UNC79: variants seen among roughly 807,000 people sequenced by gnomAD.
The protein encoded by UNC79 is protein unc-79 homolog.
UNC79 carries 37 observed loss-of-function variants against 283.1 expected under a neutral mutation model. The ratio of observed to expected loss-of-function variants is 0.13; its 90% CI spans 0.10 to 0.17. UNC79 has a LOEUF of 0.17. Ranked by LOEUF, UNC79 falls within the 10% of genes least tolerant of loss-of-function variation. The probability of loss-of-function intolerance (pLI) is 1.00; values close to 1 mark genes in which losing one functional copy is unlikely to be tolerated. For missense variants in UNC79, 2,272 were observed against 3,211.1 expected, an observed-to-expected ratio of 0.71 and a Z score of 7.07; for synonymous variants, 1,107 against 1,200.2, an observed-to-expected ratio of 0.92 and a Z score of 1.61.
rs536624295 is a variant in UNC79, at chr14:93,501,197, C to A, written c.898+3911C>A. On this transcript the variant is annotated intron_variant, in intron 7 of 48. Coordinates refer to ENST00000555664, the Ensembl canonical transcript of UNC79. ...AAAATTAACCAGGCATGGTGGTGCA[C>A]GCCTGTGATCCCAGCTACTGGGGGG... Among the ~76,000 whole-genome samples, 159 of 152,148 alleles carry A rather than the reference C, an allele frequency of 1.0e-3. 1 individual carries two copies. The highest frequency in any genetic ancestry group is 3.6e-3 in the African/African-American group (150 of 41,516).
chr14:93,475,085 C>T (rs543033950), intron 3 of UNC79, among the ~76,000 whole-genome samples: 62 of 152,218 alleles, frequency 4.1e-4, no homozygotes, highest in Non-Finnish European at 7.9e-4. Flanking sequence ...TTAACTCTTC[C>T]CCCTTTCTAC....
chr14:93,431,073 A>G, intron 1 of UNC79, 22 bp downstream of exon 1: 1 of 696,090 alleles, frequency 1.4e-6, no homozygotes, highest in Non-Finnish European at 2.6e-6. Flanking sequence ...CCGGCCCGGC[A>G]TTCCGGCCCG....
At chr14:93,679,416 G>T (rs1204212905) in intron 41 of UNC79, among the ~76,000 whole-genome samples, 1 of 152,028 alleles carries the variant, frequency 6.6e-6, no homozygotes, top group East Asian at 1.9e-4. Context: ...CCGAGATCGC[G>T]CGACTGCACT....
intron 1 of UNC79, chr14:93,347,444 C>T (rs1457159209): frequency 7.9e-6 from 11 of 1,400,930 alleles, no homozygotes; most frequent in Non-Finnish European, 1.0e-5. Flanking sequence ...GTGGCCCTGG[C>T]GGGGCGCCCC....
Position 93,479,172 on chromosome 14 carries a change from TTTCCTTCCTTCCTTCCTTCCTTCC to T in UNC79, c.619+1479_619+1502del, listed in dbSNP as rs140666949. Among the ~76,000 whole-genome samples, 13 of 120,642 alleles carry T rather than the reference TTTCCTTCCTTCCTTCCTTCCTTCC, an allele frequency of 1.1e-4. No individual in the cohort carries two copies. The East Asian group carries it at 1.7e-3, about 16-fold the overall frequency. 79.1% of individuals were successfully genotyped at this position (120,642 alleles called of 152,430 possible). ...TTTTGAAGCATAACAGATGAGGCTG[TTTCCTTCCTTCCTTCCTTCCTTCC>T]TTCCTTCCTTCCTTCCTTCCTTCCT... is the stretch of plus-strand genomic sequence containing the variant. On this transcript the variant is annotated intron_variant, in intron 4 of 48. Coordinates refer to ENST00000555664, the Ensembl canonical transcript of UNC79.
intron 14 of UNC79, among the ~76,000 whole-genome samples, chr14:93,565,720 A>G (rs546462602): frequency 6.6e-6 from 1 of 152,300 alleles, no homozygotes; most frequent in South Asian, 2.1e-4. Flanking sequence ...GACGACAGGG[A>G]AGTCCACAGG....
chr14:93,486,903 G>A (rs1452044713), intron 4 of UNC79, among the ~76,000 whole-genome samples: 5 of 152,110 alleles, frequency 3.3e-5, no homozygotes, highest in Non-Finnish European at 1.5e-5. Flanking sequence ...TTTTAAAGAA[G>A]CCAATTTGCT....
chr14:93,516,289 A>C (rs2060048980), intron 7 of UNC79, among the ~76,000 whole-genome samples: 2 of 151,996 alleles, frequency 1.3e-5, no homozygotes. Flanking sequence ...CTCTTTTAAA[A>C]ATTTTATGGG....
At chr14:93,699,176 ATT>A (rs1357251501) in intron 47 of UNC79, among the ~76,000 whole-genome samples, 1 of 152,138 alleles carries the variant, frequency 6.6e-6, no homozygotes, top group African/African-American at 2.4e-5. Context: ...GATCATTTTC[ATT>A]TAATGTGTTT....
In UNC79 at chr14:93,665,510, TTTCTGA is replaced by T. The variant is rs1262006187; in HGVS notation, c.6636+2800_6636+2805del. On this transcript the variant is annotated intron_variant, in intron 40 of 48. Transcript: ENST00000555664. The stretch of plus-strand genomic sequence containing the variant: ...TCTAGAGTTGATGGAAATATTTAAT[TTTCTGA>T]TTCAGGAAGCACAATGAGCCCTGAA... 2.0e-4 allele frequency among the ~76,000 whole-genome samples: 30 copies of T among 152,094 alleles called. 1 individual carries two copies. Among genetic ancestry groups the T allele is most frequent in the African/African-American group, 7.0e-4 (29 of 41,550 alleles).
intron 1 of UNC79, among the ~76,000 whole-genome samples, chr14:93,367,144 C>T (rs2054352033): frequency 6.6e-6 from 1 of 152,102 alleles, no homozygotes. Flanking sequence ...TTAGAGGCTT[C>T]ATTCCTGCAA....
chr14:93,671,873 A>G (rs969989768), intron 40 of UNC79, among the ~76,000 whole-genome samples: 1 of 152,186 alleles, frequency 6.6e-6, no homozygotes, highest in Non-Finnish European at 1.5e-5. Flanking sequence ...TGGGCAAAGG[A>G]CCTAAATAGA....
chr14:93,340,904 G>A (rs552554021), intron 1 of UNC79, among the ~76,000 whole-genome samples: 53 of 152,184 alleles, frequency 3.5e-4, no homozygotes, highest in African/African-American at 1.1e-3. Context: ...GTTAAAATAC[G>A]TAAGGACGCA....
At chr14:93,636,400 A>G (rs2068512377) in intron 31 of UNC79, among the ~76,000 whole-genome samples, 1 of 152,188 alleles carries the variant, frequency 6.6e-6, no homozygotes, top group Non-Finnish European at 1.5e-5. Flanking sequence ...TAGCGCCAGA[A>G]AAAGTCCTCC....
intron 1 of UNC79, among the ~76,000 whole-genome samples, chr14:93,333,921 G>A (rs1167461681): frequency 2.0e-5 from 3 of 152,174 alleles, no homozygotes; most frequent in Non-Finnish European, 4.4e-5. Flanking sequence ...CAGAACCCAG[G>A]CATTCTGAAC....
At chr14:93,412,061 C>G (rs2055347126) in intron 1 of UNC79, among the ~76,000 whole-genome samples, 1 of 152,126 alleles carries the variant, frequency 6.6e-6, no homozygotes, top group East Asian at 1.9e-4. Flanking sequence ...ACAAGGAATT[C>G]AGAATTTTGT....
rs1484377842 is a variant in UNC79, at chr14:93,690,008, A to G, written c.7086-109A>G. The G allele has an allele frequency of 2.4e-6, 3 of 1,248,230 alleles. No individual in the cohort carries two copies. The highest frequency in any genetic ancestry group is 2.7e-4 in the Middle Eastern group (1 of 3,770). The allele number at this position is 1,248,230 out of a possible 1,614,324, so 77.3% of individuals were successfully genotyped here. A position where few individuals can be genotyped will look rare whatever the true frequency, so the allele number is the denominator to read the frequency against. ...TTGCCTTGGCGTTTTGTTTTATGTG[A>G]TTGCCTGCAAGACCACACTTTCAAT... On this transcript the variant is annotated intron_variant, in intron 44 of 48. Transcript: ENST00000555664. This position sits in a 1 kb window ranked among gnomAD's most constrained non-coding sequence, Gnocchi z 4.3.
intron 1 of UNC79, among the ~76,000 whole-genome samples, chr14:93,421,678 C>T (rs1036044680): frequency 3.3e-5 from 5 of 151,288 alleles, no homozygotes; most frequent in African/African-American, 7.3e-5. Context: ...GCCAATATCA[C>T]TGATGAATAT....
intron 30 of UNC79, among the ~76,000 whole-genome samples, chr14:93,629,764 C>CCACGA (rs1374538675): frequency 6.6e-6 from 1 of 152,200 alleles, no homozygotes; most frequent in Admixed American, 6.5e-5. Context: ...ACAATTTGCA[C>CCACGA]CATGACAAGG....
Sources: gnomAD v4.1 joint callset for allele counts (sites outside exome capture counted in the v4.1 genomes callset) on GRCh38, gnomAD v4.1.1 for gene constraint, Gnocchi (gnomAD v3.1) non-coding constraint, MANE v1.5 for transcripts, NCBI Gene and HGNC (gene_info 2026-07-23, HGNC 2026-07-21) for gene names.